The following AGBL1 variants were observed in gnomAD, a reference collection of about 807,000 sequenced individuals.
AGBL1 encodes the protein AGBL carboxypeptidase 1.
In AGBL1, 130 loss-of-function variants were observed where a neutral mutation model predicts 118.9. The ratio of observed to expected loss-of-function variants is 1.09; its 90% CI spans 0.95 to 1.26. The LOEUF (loss-of-function observed/expected upper bound fraction) is 1.26, where lower values mean the gene tolerates loss of function less well. AGBL1 is among the 50% of genes most tolerant of loss of function. AGBL1 has a pLI of 0.00. For synonymous variants in AGBL1, 555 were observed against 478.9 expected, an observed-to-expected ratio of 1.16 and a Z score of -2.08; for missense variants, 1,584 against 1,298.1, an observed-to-expected ratio of 1.22 and a Z score of -3.38.
intron 18 of AGBL1, among the ~76,000 whole-genome samples, chr15:86,411,867 C>A (rs1251969108): frequency 6.6e-6 from 1 of 152,106 alleles, no homozygotes; most frequent in East Asian, 1.9e-4. Context: ...GTGATTACAG[C>A]AGGATTTTAA....
chr15:86,391,353 A>G lies in AGBL1; in HGVS notation c.2375-6013A>G, dbSNP rs144816080. ...AGTATGTACCTTTTTTGGAAAACGT[A>G]GCATGTGTCTTATATACAAATTTTT... On this transcript the variant is annotated intron_variant, in intron 17 of 22. Coordinates refer to ENST00000614907, the MANE Select transcript of AGBL1 (RefSeq NM_001386094.1). 3.1e-3 allele frequency among the ~76,000 whole-genome samples: 475 copies of G among 152,274 alleles called. 1 individual carries two copies. Among genetic ancestry groups the G allele is most frequent in the Admixed American group, 6.5e-3 (100 of 15,302 alleles).
intron 21 of AGBL1, among the ~76,000 whole-genome samples, chr15:86,571,150 C>G (rs2084000973): frequency 6.6e-6 from 1 of 152,084 alleles, no homozygotes; most frequent in East Asian, 1.9e-4. Context: ...TTGGAGATGC[C>G]AGGAACTGCT....
chr15:86,300,471 C>T (rs2079728225), intron 17 of AGBL1, among the ~76,000 whole-genome samples: 1 of 152,166 alleles, frequency 6.6e-6, no homozygotes, highest in Non-Finnish European at 1.5e-5. Context: ...GGGAAAATGT[C>T]ATTCTCCTAT....
chr15:86,700,377 C>T (rs1284352257), intron 22 of AGBL1, among the ~76,000 whole-genome samples: 1 of 151,308 alleles, frequency 6.6e-6, no homozygotes, highest in Non-Finnish European at 1.5e-5. Flanking sequence ...CTAGAATCAC[C>T]CATTTTTAAA....
At chr15:86,265,228 A>C (rs982633827) in intron 11 of AGBL1, among the ~76,000 whole-genome samples, 1 of 152,192 alleles carries the variant, frequency 6.6e-6, no homozygotes, top group Non-Finnish European at 1.5e-5. Context: ...TGCTTCCTAC[A>C]AATTGATAGG....
chr15:87,022,058 G>A (rs765143301), intron 24 of AGBL1, among the ~76,000 whole-genome samples: 7 of 152,146 alleles, frequency 4.6e-5, no homozygotes, highest in Middle Eastern at 3.4e-3. Flanking sequence ...AATCACTACA[G>A]CTATTCTCTC....
At chr15:86,995,347 C>T (rs1173206079) in intron 24 of AGBL1, among the ~76,000 whole-genome samples, 1 of 152,152 alleles carries the variant, frequency 6.6e-6, no homozygotes, top group Admixed American at 6.6e-5. Context: ...GATGGTGCCA[C>T]TGTACTCCAG....
rs367790844 is a variant in AGBL1, at chr15:86,129,677, C to G, written c.52-12327C>G. ...GCTACTTGTCTCTAGCGGGTAGAGA[C>G]CAGGAATACTGCTAAACATCTTGCA... On this transcript the variant is annotated intron_variant, in intron 1 of 22. Coordinates refer to ENST00000614907, the MANE Select transcript of AGBL1 (RefSeq NM_001386094.1). Among the ~76,000 whole-genome samples the G allele has an allele frequency of 2.8e-3, 432 of 152,046 alleles. 16 individuals carry two copies. The South Asian group carries it at 0.068, about 24-fold the overall frequency.
chr15:86,806,857 T>C (rs1468556621), intron 22 of AGBL1, among the ~76,000 whole-genome samples: 1 of 151,706 alleles, frequency 6.6e-6, no homozygotes, highest in African/African-American at 2.4e-5. Context: ...TTTACATCTA[T>C]TATATTCTAT....
intron 17 of AGBL1, among the ~76,000 whole-genome samples, chr15:86,339,859 G>T (rs956042030): frequency 6.6e-6 from 1 of 151,962 alleles, no homozygotes; most frequent in African/African-American, 2.4e-5. Context: ...CCAGCTACTC[G>T]GGAGGCTGAG....
At chr15:86,285,042 ACTTTTCTCATCAATGATCCC>A (rs1275021512) in intron 16 of AGBL1, among the ~76,000 whole-genome samples, 1 of 152,124 alleles carries the variant, frequency 6.6e-6, no homozygotes, top group African/African-American at 2.4e-5. Flanking sequence ...CAGAGGTCCT[ACTTTTCTCATCAATGATCCC>A]CACAATATCC....
chr15:86,518,764 T>C (rs2083152436), intron 18 of AGBL1, among the ~76,000 whole-genome samples: 1 of 152,000 alleles, frequency 6.6e-6, no homozygotes, highest in Admixed American at 6.6e-5. Context: ...AGTCTAGTTC[T>C]GGTGAAGTAT....
At chr15:86,674,520 C>T in intron 22 of AGBL1, 84 bp downstream of exon 22, 2 of 1,389,446 alleles carry the variant, frequency 1.4e-6, no homozygotes, top group Middle Eastern at 2.7e-4. Flanking sequence ...TCGAGTGGAC[C>T]TAGGGGTCTT....
chr15:86,649,705 T>G (rs1251525132), intron 21 of AGBL1, among the ~76,000 whole-genome samples: 2 of 150,248 alleles, frequency 1.3e-5, no homozygotes, highest in African/African-American at 4.9e-5. Flanking sequence ...TAATTTGGGT[T>G]TTTTTTCTTT....
chr15:86,145,166 G>T (rs1027372451), intron 3 of AGBL1, among the ~76,000 whole-genome samples: 1 of 152,140 alleles, frequency 6.6e-6, no homozygotes, highest in Non-Finnish European at 1.5e-5. Flanking sequence ...AATAAAATCT[G>T]CAAAGATTCT....
At chr15:86,979,275 A>G (rs942276105) in intron 23 of AGBL1, among the ~76,000 whole-genome samples, 2 of 152,224 alleles carry the variant, frequency 1.3e-5, no homozygotes, top group African/African-American at 4.8e-5. Flanking sequence ...GCAGTGCAAT[A>G]TTGAAAATGC....
intron 22 of AGBL1, among the ~76,000 whole-genome samples, chr15:86,858,169 G>C (rs774727971): frequency 6.6e-6 from 1 of 152,110 alleles, no homozygotes; most frequent in African/African-American, 2.4e-5. Flanking sequence ...CCTGGAGGGG[G>C]ACATGTTCAG....
chr15:86,164,370 G>A (rs1050484683), intron 5 of AGBL1, among the ~76,000 whole-genome samples: 1 of 152,130 alleles, frequency 6.6e-6, no homozygotes, highest in Non-Finnish European at 1.5e-5. Flanking sequence ...AGCTGTCTTT[G>A]AGCTGTCCAA....
intron 22 of AGBL1, among the ~76,000 whole-genome samples, chr15:86,894,188 C>A (rs1198361014): frequency 6.6e-6 from 1 of 152,146 alleles, no homozygotes; most frequent in South Asian, 2.1e-4. Context: ...AATATTAAGG[C>A]CCACTCTATC....
Sources: gnomAD v4.1 joint callset for allele counts (sites outside exome capture counted in the v4.1 genomes callset) on GRCh38, gnomAD v4.1.1 for gene constraint, MANE v1.5 for transcripts, NCBI Gene and HGNC (gene_info 2026-07-23, HGNC 2026-07-21) for gene names.